Variants in GDPD4 observed in about 807,000 individuals in gnomAD.
The protein encoded by GDPD4 is glycerophosphodiester phosphodiesterase domain containing 4.
A neutral mutation model predicts 67.8 loss-of-function variants in GDPD4; 60 were observed. That is an observed-to-expected ratio of 0.88 (90% CI 0.72 to 1.10). GDPD4 has a LOEUF of 1.10. GDPD4 is among the 50% of genes least tolerant of loss of function. GDPD4 has a pLI of 0.00. For missense variants in GDPD4, 623 were observed against 613.9 expected (o/e 1.01, Z -0.16); for synonymous variants, 212 against 210.9 (o/e 1.00, Z -0.04).
chr11:77,298,407 G>A (rs536521403), intron 1 of GDPD4, among the ~76,000 whole-genome samples: 1 of 152,180 alleles, frequency 6.6e-6, no homozygotes, highest in Non-Finnish European at 1.5e-5. Context: ...AGCTACTTGC[G>A]AAGCTGAGGC....
chr11:77,292,313 G>C (rs567077850), intron 1 of GDPD4, among the ~76,000 whole-genome samples: 1 of 151,932 alleles, frequency 6.6e-6, no homozygotes, highest in Non-Finnish European at 1.5e-5. Flanking sequence ...AAATTAATGA[G>C]AGTTGGAAAA....
intron 13 of GDPD4, among the ~76,000 whole-genome samples, chr11:77,235,350 AG>A: frequency 6.6e-6 from 1 of 152,256 alleles, no homozygotes; most frequent in African/African-American, 2.4e-5. Flanking sequence ...CATATGGAAA[AG>A]CACAGCCCTA....
Position 77,229,207 on chromosome 11 carries a change from C to CA in GDPD4, c.1414dup (p.Trp472LeufsTer25). On this transcript the variant is annotated frameshift_variant, in exon 15 of 17. Coordinates refer to ENST00000315938, the MANE Select transcript of GDPD4 (RefSeq NM_182833.3). LOFTEE classifies it high-confidence loss of function. ...CACAGAAATGATATCTGCAAGGAGC[C>CA]ACATGAACACATAGAACTTTGGTGT... 6.2e-7 allele frequency: 1 copy of CA among 1,606,202 alleles called. No homozygotes were observed. The highest frequency in any genetic ancestry group is 8.5e-7 in the Non-Finnish European group (1 of 1,175,904).
intron 5 of GDPD4, among the ~76,000 whole-genome samples, chr11:77,272,792 T>A (rs1303357859): frequency 6.6e-6 from 1 of 151,694 alleles, no homozygotes; most frequent in Non-Finnish European, 1.5e-5. Flanking sequence ...AAAAAAAAAT[T>A]TTTTTTTGAG....
chr11:77,217,269 C>T lies in GDPD4; in HGVS notation c.*8G>A, dbSNP rs776269431. 4 of 1,556,132 alleles carry T rather than the reference C, an allele frequency of 2.6e-6. No homozygotes were observed. The East Asian group carries it at 9.0e-5, about 35-fold the overall frequency. On this transcript the variant is annotated 3_prime_UTR_variant, in exon 17 of 17. Transcript: ENST00000315938. ...GGAGGTTTCATGGCTATGTGCAAAT[C>T]TATCTATCTATCTATCTTCCTCATT...
intron 3 of GDPD4, among the ~76,000 whole-genome samples, chr11:77,279,959 CAG>C (rs1959682132): frequency 6.6e-6 from 1 of 152,076 alleles, no homozygotes; most frequent in Non-Finnish European, 1.5e-5. Context: ...CTCAAGAAAA[CAG>C]AAATTTCCTC....
In GDPD4 at chr11:77,245,418, A is replaced by G. The variant is rs1264963098; in HGVS notation, c.949T>C (p.Leu317=). Residue 317 remains leucine (L), a synonymous_variant, in exon 12 of 17, where the codon TTA becomes CTA. Transcript: ENST00000315938. The part of the protein sequence containing the change: ...RNQSIPTLAD[L]LTLAEKERKF... ...CTTTCCTTCTCTGCAAGTGTCAATA[A>G]ATCAGCTAGTGTTGGAATTGACTGA... The G allele has an allele frequency of 1.9e-6, 3 of 1,614,126 alleles. No homozygotes were observed. Among genetic ancestry groups the G allele is most frequent in the Non-Finnish European group, 2.5e-6 (3 of 1,179,958 alleles).
At chr11:77,228,161 G>C (rs1958379277) in intron 15 of GDPD4, among the ~76,000 whole-genome samples, 1 of 151,146 alleles carries the variant, frequency 6.6e-6, no homozygotes, top group Non-Finnish European at 1.5e-5. Context: ...ACCTGAGGCG[G>C]GGCCAACATG....
At chr11:77,297,922 G>A (rs1213667779) in intron 1 of GDPD4, among the ~76,000 whole-genome samples, 1 of 152,072 alleles carries the variant, frequency 6.6e-6, no homozygotes, top group Non-Finnish European at 1.5e-5. Flanking sequence ...TAGCAATTAA[G>A]TATAATATAA....
chr11:77,247,161 T>C (rs1018647424), intron 11 of GDPD4, among the ~76,000 whole-genome samples: 2 of 152,240 alleles, frequency 1.3e-5, no homozygotes, highest in African/African-American at 2.4e-5. Context: ...AGAAGGCAGA[T>C]CATTGCTAGG....
intron 16 of GDPD4, among the ~76,000 whole-genome samples, chr11:77,219,078 C>A (rs1453940734): frequency 6.6e-6 from 1 of 152,154 alleles, no homozygotes; most frequent in Non-Finnish European, 1.5e-5. Flanking sequence ...TTAATGATTG[C>A]CATTCTAACT....
intron 16 of GDPD4, among the ~76,000 whole-genome samples, chr11:77,218,563 T>C (rs1958169972): frequency 6.6e-6 from 1 of 152,108 alleles, no homozygotes; most frequent in African/African-American, 2.4e-5. Flanking sequence ...CGACAGGCTG[T>C]GGTGTGTGAT....
chr11:77,222,443 C>T (rs1958245784), intron 16 of GDPD4, among the ~76,000 whole-genome samples: 1 of 152,182 alleles, frequency 6.6e-6, no homozygotes, highest in African/African-American at 2.4e-5. Context: ...TCAGCATTTG[C>T]TTGTCTGTAA....
At chr11:77,259,273 C>T (rs1450815841) in intron 10 of GDPD4, among the ~76,000 whole-genome samples, 1 of 152,182 alleles carries the variant, frequency 6.6e-6, no homozygotes, top group African/African-American at 2.4e-5. Context: ...AGCCACCGTG[C>T]CCAGCCTACA....
chr11:77,221,245 CTCTGA>C (rs1307018047), intron 16 of GDPD4, among the ~76,000 whole-genome samples: 1 of 152,096 alleles, frequency 6.6e-6, no homozygotes, highest in Non-Finnish European at 1.5e-5. Flanking sequence ...TTCAGTTCTG[CTCTGA>C]TCTTAGTTAT....
At chr11:77,286,970 T>C (rs1231548670) in intron 2 of GDPD4, 1 of 151,580 alleles carries the variant, frequency 6.6e-6, no homozygotes, top group East Asian at 1.9e-4. Flanking sequence ...AGTGAATTAA[T>C]GAATAAACAT....
intron 2 of GDPD4, chr11:77,286,855 A>G (rs1384807336): frequency 1.1e-4 from 17 of 152,240 alleles, no homozygotes; most frequent in Admixed American, 1.1e-3. Context: ...TTCACAGAGG[A>G]GAGCAAATTA....
chr11:77,252,418 T>C (rs1034708310), intron 11 of GDPD4, among the ~76,000 whole-genome samples: 2 of 152,340 alleles, frequency 1.3e-5, no homozygotes, highest in Non-Finnish European at 2.9e-5. Flanking sequence ...ACATAATGAA[T>C]TGTTTTCCTA....
At chr11:77,292,351 T>C (rs1937807399) in intron 1 of GDPD4, among the ~76,000 whole-genome samples, 1 of 152,054 alleles carries the variant, frequency 6.6e-6, no homozygotes, top group Non-Finnish European at 1.5e-5. Flanking sequence ...TAGCAACTTC[T>C]AAGTAACTCT....
Sources: gnomAD v4.1 joint callset for allele counts (sites outside exome capture counted in the v4.1 genomes callset) on GRCh38, gnomAD v4.1.1 for gene constraint, MANE v1.5 for transcripts, NCBI Gene and HGNC (gene_info 2026-07-23, HGNC 2026-07-21) for gene names.